The following COL6A1 variants were observed in gnomAD, a reference collection of about 807,000 sequenced individuals.
COL6A1 encodes collagen type VI alpha 1 chain.
A neutral mutation model predicts 145.6 loss-of-function variants in COL6A1; 80 were observed. The ratio of observed to expected loss-of-function variants is 0.55; its 90% CI spans 0.46 to 0.66. The LOEUF (loss-of-function observed/expected upper bound fraction) is 0.66. COL6A1 is among the 30% of genes least tolerant of loss of function. The pLI is 0.00. For missense variants in COL6A1, 1,364 were observed against 1,473.8 expected (o/e 0.93, Z 1.22); for synonymous variants, 638 against 622.8 (o/e 1.02, Z -0.36).
chr21:45,986,665 G>C lies in COL6A1; in HGVS notation c.568G>C (p.Ala190Pro). ...KHLGVKVFSV[A>P]ITPDHLEPRL... ...CCTGGGCGTCAAAGTCTTCTCGGTG[G>C]CCATCACACCCGACCACCTGGTAGG... is the stretch of plus-strand genomic sequence containing the variant. The change falls in exon 4 of 35, where the codon GCC (alanine) becomes CCC (proline). Residue 190 changes from alanine (A) to proline (P), a missense_variant. Ala to Pro is a conservative substitution (Grantham distance 27). Around this residue, in one of 3 missense-constraint regions of COL6A1, gnomAD observed 414 missense variants for 437.6 expected, o/e 0.95. Coordinates refer to ENST00000361866, the MANE Select transcript of COL6A1 (RefSeq NM_001848.3). 2 of 1,549,312 alleles carry C rather than the reference G, an allele frequency of 1.3e-6. No individual in the cohort carries two copies. The highest frequency in any genetic ancestry group is 1.7e-6 in the Non-Finnish European group (2 of 1,147,336).
chr21:46,003,361 A>G, intron 34 of COL6A1, 30 bp from the exon 35 acceptor site: 1 of 1,600,070 alleles, frequency 6.2e-7, no homozygotes, highest in Non-Finnish European at 8.5e-7. Flanking sequence ...CCAGGGCCTC[A>G]TGCTAACGGC....
chr21:46,002,047 C>T lies in COL6A1; in HGVS notation c.2043C>T (p.Ile681=). ...QEHVSLRSPS[I]RNVQELKEAI... Reference sequence around the variant, plus strand: ...ACGTGAGCCTGCGCAGCCCCAGCATCCGGAACGTGCAGGAGCTCAAGGAGT... The same window carrying T: ...ACGTGAGCCTGCGCAGCCCCAGCATTCGGAACGTGCAGGAGCTCAAGGAGT... The change falls in exon 31 of 35, where the codon ATC becomes ATT. Residue 681 remains isoleucine (I), a synonymous_variant. Transcript: ENST00000361866. 6.2e-7 allele frequency: 1 copy of T among 1,612,206 alleles called. No homozygotes were observed. Among genetic ancestry groups the T allele is most frequent in the Non-Finnish European group, 8.5e-7 (1 of 1,179,768 alleles).
rs1291499947 is a variant in COL6A1 at position 46,003,408 on chromosome 21, G to A, written c.2482G>A (p.Ala828Thr). Residue 828 changes from alanine to threonine, a missense_variant, in exon 35 of 35, where the codon GCT becomes ACT. Ala to Thr is a moderately conservative substitution (Grantham distance 58). This residue lies in a region of COL6A1 where 938 missense variants were observed against 1,003.8 expected (regional missense o/e 0.93). Transcript: ENST00000361866. The part of the protein sequence containing the change: ...YTCPITFSSP[A>T]DITILLDGSA... ...CCCCGCAGTCACGTTCTCCTCCCCG[G>A]CTGACATCACCATCCTGCTGGACGG... 2 of 1,601,206 alleles carry A rather than the reference G, an allele frequency of 1.2e-6. No homozygotes were observed. Among genetic ancestry groups the A allele is most frequent in the Admixed American group, 3.3e-5 (2 of 60,012 alleles).
At position 46,004,562 on chromosome 21, in the gene COL6A1, G is replaced by A. The variant is rs964468658; in HGVS notation, c.*549G>A. ...TACTTTACAATTAAACTCAAAGCAA[G>A]CTCTTCTCCTCAGCTTGGGGCAGCC... On this transcript the variant is annotated 3_prime_UTR_variant, in exon 35 of 35. Coordinates refer to ENST00000361866, the MANE Select transcript of COL6A1 (RefSeq NM_001848.3). 3 of 321,398 alleles carry A rather than the reference G, an allele frequency of 9.3e-6. No homozygotes were observed. Among genetic ancestry groups the A allele is most frequent in the African/African-American group, 6.6e-5 (3 of 45,590 alleles). 19.9% of individuals were successfully genotyped at this position (321,398 alleles called of 1,614,324 possible).
intron 4 of COL6A1, 102 bp downstream of exon 4, chr21:45,986,787 G>A: frequency 6.6e-7 from 1 of 1,515,420 alleles, no homozygotes; most frequent in African/African-American, 1.4e-5. Context: ...GGAGGGTGTG[G>A]GTTCTCCAGC....
intron 20 of COL6A1, among the ~76,000 whole-genome samples, chr21:45,996,560 C>T (rs1218155706): frequency 6.6e-6 from 1 of 151,964 alleles, no homozygotes; most frequent in Non-Finnish European, 1.5e-5. Context: ...AGCCTAACCA[C>T]AGGCCAGGGA....
rs765129148 is a variant in COL6A1 at position 45,997,730 on chromosome 21, C to A, written c.1492C>A (p.Pro498Thr). 2 of 1,596,576 alleles carry A rather than the reference C, an allele frequency of 1.3e-6. No homozygotes were observed. Among genetic ancestry groups the A allele is most frequent in the South Asian group, 1.1e-5 (1 of 88,392 alleles). The change falls in exon 22 of 35, where the codon CCC (proline) becomes ACC (threonine). Residue 498 changes from proline (P) to threonine (T), a missense_variant. Physicochemically the swap from Pro to Thr is conservative, Grantham distance 38. Coordinates refer to ENST00000361866, the MANE Select transcript of COL6A1 (RefSeq NM_001848.3). ...CAGAGGAGCCCCAGGACCTGCCGGACCCCCTGGAGACCCGGGGCTGATGGG... is the reference window on the plus strand; with the variant it reads ...CAGAGGAGCCCCAGGACCTGCCGGAACCCCTGGAGACCCGGGGCTGATGGG... ...GARGAPGPAG[P>T]PGDPGLMGER...
intron 19 of COL6A1, among the ~76,000 whole-genome samples, chr21:45,993,311 C>T (rs957287970): frequency 1.3e-5 from 2 of 152,206 alleles, no homozygotes; most frequent in African/African-American, 4.8e-5. Flanking sequence ...CCTCAGGGTG[C>T]AGAAGCACAG....
At chr21:45,982,596 C>A (rs1164253873) in intron 1 of COL6A1, 38 bp from the exon 2 acceptor site, 1 of 1,611,806 alleles carries the variant, frequency 6.2e-7, no homozygotes, top group East Asian at 2.2e-5. Context: ...GGGAATGGGG[C>A]GAGAGCTTGA....
intron 19 of COL6A1, among the ~76,000 whole-genome samples, chr21:45,993,847 G>A (rs542236620): frequency 2.3e-3 from 351 of 152,360 alleles, no homozygotes; most frequent in Non-Finnish European, 4.3e-3. Flanking sequence ...GCTTCCCGGC[G>A]GGCCACAAGT....
chr21:46,003,081 A>G, intron 33 of COL6A1, 39 bp from the exon 34 acceptor site: 1 of 1,613,646 alleles, frequency 6.2e-7, no homozygotes, highest in South Asian at 1.1e-5. Flanking sequence ...TTATAGGTGG[A>G]GCAGTGGGCT....
In COL6A1 at chr21:45,984,419, C is replaced by T. The variant is rs776619127; in HGVS notation, c.378C>T (p.Gly126=). The T allele has an allele frequency of 8.7e-6, 14 of 1,612,364 alleles. No homozygotes were observed. The Admixed American group carries it at 2.3e-4, about 27-fold the overall frequency. Reference sequence around the variant, plus strand: ...ACGCGGTCAAGTACTTTGGGAAGGGCACCTACACCGACTGCGCTATCAAGA... The same window carrying T: ...ACGCGGTCAAGTACTTTGGGAAGGGTACCTACACCGACTGCGCTATCAAGA... ...SVDAVKYFGK[G]TYTDCAIKKG... is the part of the protein sequence containing the mutation. The change falls in exon 3 of 35, where the codon GGC becomes GGT. Residue 126 remains glycine (G), a synonymous_variant. Transcript: ENST00000361866.
intron 4 of COL6A1, 117 bp downstream of exon 4, chr21:45,986,802 C>G: frequency 6.6e-7 from 1 of 1,514,210 alleles, no homozygotes; most frequent in Non-Finnish European, 8.8e-7. Context: ...TCCAGCCGGC[C>G]ACCCTTGCCC....
chr21:45,999,586 G>C, intron 26 of COL6A1, 71 bp from the exon 27 acceptor site: 1 of 1,545,836 alleles, frequency 6.5e-7, no homozygotes, highest in Non-Finnish European at 8.9e-7. Flanking sequence ...CTGGGGGTGG[G>C]GGCTGTCTCA....
At chr21:46,003,017 G>T in intron 33 of COL6A1, 103 bp from the exon 34 acceptor site, 2 of 1,547,488 alleles carry the variant, frequency 1.3e-6, no homozygotes, top group Non-Finnish European at 1.8e-6. Context: ...GACTTCCGGG[G>T]GCACGGCCAC....
At position 46,003,468 on chromosome 21, in the gene COL6A1, ACCAAGCGCTTCG is replaced by A. The variant is rs1569519202; in HGVS notation, c.2551_2562del (p.Phe851_Arg854del). The A allele has an allele frequency of 6.2e-7, 1 of 1,608,262 alleles. No homozygotes were observed. Among genetic ancestry groups the A allele is most frequent in the East Asian group, 2.2e-5 (1 of 44,856 alleles). On this transcript the variant is annotated inframe_deletion, in exon 35 of 35. Transcript: ENST00000361866. ...CGTGGGCAGCCACAACTTTGACACC[ACCAAGCGCTTCG>A]CCAAGCGCCTGGCCGAGCGCTTCCT...
Position 45,990,833 on chromosome 21 carries a change from C to T in COL6A1, c.1056+7C>T, listed in dbSNP as rs1291141263. ...GGGCTCGCCCGGGTTTGACGTAAGTCACTTCCTCTCACTGATACTTTAAAA... is the reference window on the plus strand; with the variant it reads ...GGGCTCGCCCGGGTTTGACGTAAGTTACTTCCTCTCACTGATACTTTAAAA... On this transcript the variant is annotated splice_region_variant and intron_variant, in intron 14 of 34. Coordinates refer to ENST00000361866, the MANE Select transcript of COL6A1 (RefSeq NM_001848.3). 1.2e-6 allele frequency: 2 copies of T among 1,613,232 alleles called. No individual in the cohort carries two copies. The highest frequency in any genetic ancestry group is 1.7e-6 in the Non-Finnish European group (2 of 1,179,890).
In COL6A1 at chr21:45,992,824, C is replaced by A. The variant is rs1405290702; in HGVS notation, c.1335+14C>A. 3 of 1,588,270 alleles carry A rather than the reference C, an allele frequency of 1.9e-6. No individual in the cohort carries two copies. The highest frequency in any genetic ancestry group is 1.7e-6 in the Non-Finnish European group (2 of 1,167,452). ...AGAGGAGACCCTGTGAGTCACAGTT[C>A]CTGGAGCTGGGAACCACCCCAGGAA... is the stretch of plus-strand genomic sequence containing the variant. On this transcript the variant is annotated intron_variant, in intron 19 of 34. Coordinates refer to ENST00000361866, the MANE Select transcript of COL6A1 (RefSeq NM_001848.3).
At chr21:45,998,865 CT>C (rs2077821850) in intron 24 of COL6A1, 31 bp from the exon 25 acceptor site, 2 of 1,550,188 alleles carry the variant, frequency 1.3e-6, no homozygotes, top group Non-Finnish European at 1.7e-6. Context: ...AAATAAAACC[CT>C]TGTTAACCAA....
Sources: gnomAD v4.1 joint callset for allele counts (sites outside exome capture counted in the v4.1 genomes callset) on GRCh38, gnomAD v4.1.1 for gene constraint, gnomAD v4.1.1 regional missense constraint, MANE v1.5 for transcripts, NCBI Gene and HGNC (gene_info 2026-07-23, HGNC 2026-07-21) for gene names.